Variants in MACROD2 observed in about 807,000 individuals in gnomAD.
MACROD2 encodes the protein ADP-ribose glycohydrolase MACROD2.
MACROD2 carries 36 observed loss-of-function variants against 70.4 expected under a neutral mutation model. The observed-to-expected ratio is 0.51, with a 90% CI of 0.39 to 0.68. The LOEUF (loss-of-function observed/expected upper bound fraction) is 0.68. Ranked by LOEUF, MACROD2 falls within the 30% of genes least tolerant of loss-of-function variation. MACROD2 has a pLI of 0.00. For synonymous variants in MACROD2, 172 were observed against 178.8 expected (o/e 0.96, Z 0.30); for missense variants, 496 against 538.4 (o/e 0.92, Z 0.78).
At chr20:15,822,414 T>C (rs1051480306) in intron 8 of MACROD2, among the ~76,000 whole-genome samples, 14 of 152,216 alleles carry the variant, frequency 9.2e-5, no homozygotes, top group Admixed American at 2.0e-4. Context: ...CATGGATAGT[T>C]AATGAAATAG....
intron 3 of MACROD2, among the ~76,000 whole-genome samples, chr20:14,369,039 A>G (rs1395412002): frequency 2.0e-5 from 3 of 152,170 alleles, no homozygotes. Flanking sequence ...ATTCTTCGGT[A>G]TACATGAATG....
chr20:15,164,373 G>A (rs534922713), intron 5 of MACROD2, among the ~76,000 whole-genome samples: 1 of 151,990 alleles, frequency 6.6e-6, no homozygotes, highest in Non-Finnish European at 1.5e-5. Context: ...GTGGACTTTG[G>A]TATGAGAAGG....
At chr20:15,089,230 T>G (rs776542417) in intron 5 of MACROD2, among the ~76,000 whole-genome samples, 8 of 152,206 alleles carry the variant, frequency 5.3e-5, no homozygotes, top group Non-Finnish European at 1.0e-4. Context: ...CACAGATTCT[T>G]GTGCAATTCA....
chr20:14,761,932 C>T (rs2072021036), intron 5 of MACROD2, among the ~76,000 whole-genome samples: 2 of 152,146 alleles, frequency 1.3e-5, no homozygotes, highest in Admixed American at 1.3e-4. Context: ...TAGTAAATTG[C>T]TGCAATCTGA....
At chr20:14,478,754 ACT>A (rs1013557050) in intron 3 of MACROD2, among the ~76,000 whole-genome samples, 12 of 151,938 alleles carry the variant, frequency 7.9e-5, no homozygotes, top group African/African-American at 2.9e-4. Flanking sequence ...GTAGGTAGTA[ACT>A]CTGTTAGGTT....
At chr20:14,338,578 C>T (rs969427939) in intron 3 of MACROD2, among the ~76,000 whole-genome samples, 10 of 152,182 alleles carry the variant, frequency 6.6e-5, no homozygotes, top group East Asian at 1.9e-4. Context: ...TTATATTTAA[C>T]GATCCCCCAA....
chr20:14,861,894 G>T (rs2073322094), intron 5 of MACROD2, among the ~76,000 whole-genome samples: 1 of 136,046 alleles, frequency 7.4e-6, no homozygotes, highest in African/African-American at 2.8e-5. Flanking sequence ...ACATACTTAT[G>T]GTATTATGCT....
chr20:14,581,109 G>A (rs1279358453), intron 4 of MACROD2, among the ~76,000 whole-genome samples: 1 of 152,120 alleles, frequency 6.6e-6, no homozygotes, highest in Non-Finnish European at 1.5e-5. Flanking sequence ...ACCCAGCCCA[G>A]ACATTTTCAG....
intron 5 of MACROD2, among the ~76,000 whole-genome samples, chr20:14,772,054 A>G (rs1031581929): frequency 2.6e-5 from 4 of 152,064 alleles, no homozygotes; most frequent in Admixed American, 6.6e-5. Flanking sequence ...GGTGCATGAC[A>G]TTTTAAAAAG....
chr20:14,707,664 T>G (rs748442025), intron 5 of MACROD2, among the ~76,000 whole-genome samples: 7 of 152,320 alleles, frequency 4.6e-5, no homozygotes, highest in Non-Finnish European at 1.0e-4. Flanking sequence ...CAAGATCATT[T>G]TTATTTTTGA....
intron 5 of MACROD2, among the ~76,000 whole-genome samples, chr20:14,828,839 T>C (rs2072930170): frequency 6.6e-6 from 1 of 152,072 alleles, no homozygotes; most frequent in African/African-American, 2.4e-5. Context: ...AGTCAGATAA[T>C]TTTATTCTGT....
At chr20:14,830,278 T>C (rs1000270138) in intron 5 of MACROD2, among the ~76,000 whole-genome samples, 2 of 152,104 alleles carry the variant, frequency 1.3e-5, no homozygotes, top group African/African-American at 4.8e-5. Context: ...TGGGCTGTGT[T>C]ATGTTGTGTG....
intron 6 of MACROD2, among the ~76,000 whole-genome samples, chr20:15,404,868 A>C (rs2045977306): frequency 6.6e-6 from 1 of 152,240 alleles, no homozygotes; most frequent in Non-Finnish European, 1.5e-5. Context: ...TAGAAACTCC[A>C]TGAAGAAATA....
At chr20:15,625,004 A>AT (rs904551564) in intron 8 of MACROD2, among the ~76,000 whole-genome samples, 3 of 152,080 alleles carry the variant, frequency 2.0e-5, no homozygotes, top group Non-Finnish European at 4.4e-5. Flanking sequence ...GCAGTTTGTG[A>AT]TTTTTTTACT....
chr20:14,249,643 T>A (rs2081994663), intron 3 of MACROD2, among the ~76,000 whole-genome samples: 1 of 152,172 alleles, frequency 6.6e-6, no homozygotes, highest in Non-Finnish European at 1.5e-5. Flanking sequence ...GCCATCAAGA[T>A]CCTGACTGTT....
At chr20:14,841,199 A>G (rs1319720807) in intron 5 of MACROD2, among the ~76,000 whole-genome samples, 5 of 152,102 alleles carry the variant, frequency 3.3e-5, no homozygotes, top group East Asian at 1.9e-4. Context: ...CTGATGTTCT[A>G]TAAGATAACT....
chr20:15,604,805 G>A (rs2048870432), intron 8 of MACROD2, among the ~76,000 whole-genome samples: 1 of 152,070 alleles, frequency 6.6e-6, no homozygotes, highest in African/African-American at 2.4e-5. Context: ...TTAGTAACTG[G>A]TTATCTTAGA....
intron 5 of MACROD2, among the ~76,000 whole-genome samples, chr20:14,868,860 C>A (rs2073456827): frequency 6.6e-6 from 1 of 152,076 alleles, no homozygotes. Context: ...ACTGGAGAAG[C>A]AAAATATGTT....
At chr20:16,020,392 C>A (rs2066985270) in intron 15 of MACROD2, among the ~76,000 whole-genome samples, 1 of 151,924 alleles carries the variant, frequency 6.6e-6, no homozygotes, top group South Asian at 2.1e-4. Flanking sequence ...TCCCTGAAGC[C>A]ACTCTCTACC....
Sources: gnomAD v4.1 joint callset for allele counts (sites outside exome capture counted in the v4.1 genomes callset) on GRCh38, gnomAD v4.1.1 for gene constraint, MANE v1.5 for transcripts, NCBI Gene and HGNC (gene_info 2026-07-23, HGNC 2026-07-21) for gene names.